The following FBN1 variants were observed in gnomAD, a reference collection of about 807,000 sequenced individuals.
FBN1 encodes the protein fibrillin 1.
In FBN1, 29 loss-of-function variants were observed where a neutral mutation model predicts 365.1. The observed-to-expected ratio is 0.08, with a 90% CI of 0.06 to 0.11. FBN1 has a LOEUF of 0.11. FBN1 is among the 10% of genes least tolerant of loss of function. The pLI, the probability that FBN1 is intolerant of heterozygous loss-of-function variation, is 1.00. For synonymous variants in FBN1, 1,210 were observed against 1,270.5 expected, an observed-to-expected ratio of 0.95 and a Z score of 1.01; for missense variants, 2,476 against 3,703.2, an observed-to-expected ratio of 0.67 and a Z score of 8.60.
intron 2 of FBN1, among the ~76,000 whole-genome samples, chr15:48,620,300 C>A (rs535452482): frequency 5.5e-4 from 84 of 152,252 alleles, no homozygotes; most frequent in Non-Finnish European, 1.1e-3. Flanking sequence ...GAAACAAAGA[C>A]AAAACACCAT....
chr15:48,522,374 T>A (rs564388367), intron 9 of FBN1, among the ~76,000 whole-genome samples: 7 of 152,234 alleles, frequency 4.6e-5, no homozygotes, highest in Non-Finnish European at 7.4e-5. Context: ...AAGTGCACAA[T>A]AAATGTAATG....
intron 6 of FBN1, among the ~76,000 whole-genome samples, chr15:48,591,947 C>T (rs1301916207): frequency 6.6e-6 from 1 of 152,190 alleles, no homozygotes; most frequent in Non-Finnish European, 1.5e-5. Context: ...GGACAAGGCA[C>T]TTGATCTCTC....
chr15:48,476,211 C>T (rs373651462), intron 32 of FBN1, among the ~76,000 whole-genome samples: 20 of 152,328 alleles, frequency 1.3e-4, no homozygotes, highest in African/African-American at 4.8e-4. Context: ...AGCACAAATA[C>T]TCCCAAGCAG....
chr15:48,583,463 C>T (rs1268971066), intron 6 of FBN1, among the ~76,000 whole-genome samples: 1 of 152,116 alleles, frequency 6.6e-6, no homozygotes, highest in Admixed American at 6.5e-5. Flanking sequence ...CTGACCAGGC[C>T]GTATTTGTAG....
intron 6 of FBN1, among the ~76,000 whole-genome samples, chr15:48,539,183 C>A (rs2044037141): frequency 6.6e-6 from 1 of 152,164 alleles, no homozygotes; most frequent in African/African-American, 2.4e-5. Context: ...ACTCCATCTG[C>A]TCCCCATCAC....
rs116439205 is a variant in FBN1 at position 48,636,478 on chromosome 15, G to C, written c.164+8128C>G. The stretch of plus-strand genomic sequence containing the variant: ...TGTTGTTCAAGATCCAGCCCCAACA[G>C]ACACTCACTCTGAGCAAGGCCTAGT... On this transcript the variant is annotated intron_variant, in intron 2 of 65. Transcript: ENST00000316623. Among the ~76,000 whole-genome samples, 820 of 152,258 alleles carry C rather than the reference G, an allele frequency of 5.4e-3. 7 individuals carry two copies. Among genetic ancestry groups the C allele is most frequent in the African/African-American group, 0.019 (775 of 41,542 alleles).
intron 6 of FBN1, among the ~76,000 whole-genome samples, chr15:48,549,809 A>C (rs76250719): frequency 6.6e-6 from 1 of 151,780 alleles, no homozygotes; most frequent in African/African-American, 2.4e-5. Context: ...AAAAAAAAAA[A>C]CTCTCCTAGT....
intron 6 of FBN1, among the ~76,000 whole-genome samples, chr15:48,558,653 A>C (rs1353047291): frequency 2.6e-5 from 4 of 152,236 alleles, no homozygotes; most frequent in Admixed American, 1.3e-4. Context: ...AAACAACAGA[A>C]ATATATGAAT....
rs561645140 is a variant in FBN1, at chr15:48,445,096, GA to G, written c.5917+279del. ...CAATAGCTTAATTTTTAAAATAAGGGAAAAAGTGATTATATATATATATACA... is the reference window on the plus strand; with the variant it reads ...CAATAGCTTAATTTTTAAAATAAGGGAAAAGTGATTATATATATATATACA... On this transcript the variant is annotated intron_variant, in intron 48 of 65. Coordinates refer to ENST00000316623, the MANE Select transcript of FBN1 (RefSeq NM_000138.5). Among the ~76,000 whole-genome samples the G allele has an allele frequency of 5.0e-5, 7 of 141,272 alleles. No homozygotes were observed. The South Asian group carries it at 1.1e-3, about 23-fold the overall frequency. 92.7% of individuals were successfully genotyped at this position (141,272 alleles called of 152,430 possible). A position where few individuals can be genotyped will look rare whatever the true frequency, so the allele number is the denominator to read the frequency against.
rs1365050137 is a variant in FBN1 at position 48,456,733 on chromosome 15, C to A, written c.5326G>T (p.Val1776Phe). ...DIDECREIPG[V>F]CENGVCINMV... ...TTGATACACACTCCATTTTCACAGA[C>A]CCCTGGGATCTCCCGGCACTCATCA... is the stretch of plus-strand genomic sequence containing the variant. The change falls in exon 44 of 66, where the codon GTC (valine) becomes TTC (phenylalanine). Residue 1776 changes from valine to phenylalanine, a missense_variant. Physicochemically the swap from Val to Phe is conservative, Grantham distance 50. This residue lies in a region of FBN1 where 1,780 missense variants were observed against 2,840.8 expected (regional missense o/e 0.63). Coordinates refer to ENST00000316623, the MANE Select transcript of FBN1 (RefSeq NM_000138.5). 1 of 1,613,742 alleles carries A rather than the reference C, an allele frequency of 6.2e-7. No homozygotes were observed. The highest frequency in any genetic ancestry group is 8.5e-7 in the Non-Finnish European group (1 of 1,179,770).
intron 6 of FBN1, among the ~76,000 whole-genome samples, chr15:48,578,032 C>T (rs2044362603): frequency 1.3e-5 from 2 of 151,908 alleles, no homozygotes; most frequent in South Asian, 4.2e-4. Flanking sequence ...CCATCGTTTA[C>T]ATGCAATCTA....
intron 64 of FBN1, among the ~76,000 whole-genome samples, chr15:48,414,692 C>A (rs534465635): frequency 1.3e-4 from 20 of 152,016 alleles, no homozygotes; most frequent in Non-Finnish European, 2.9e-4. Flanking sequence ...GTCCGGAGAT[C>A]GAGACCATCC....
At chr15:48,442,967 T>G (rs906564959) in intron 49 of FBN1, among the ~76,000 whole-genome samples, 3 of 152,238 alleles carry the variant, frequency 2.0e-5, no homozygotes, top group African/African-American at 7.2e-5. Flanking sequence ...AAAATGTACT[T>G]GCATTATACA....
intron 63 of FBN1, among the ~76,000 whole-genome samples, chr15:48,418,414 T>TA (rs2042917075): frequency 6.6e-6 from 1 of 152,248 alleles, no homozygotes; most frequent in Non-Finnish European, 1.5e-5. Flanking sequence ...TAATAAAGTT[T>TA]AAATTAAACT....
intron 45 of FBN1, among the ~76,000 whole-genome samples, chr15:48,452,069 T>C (rs1327828792): frequency 1.3e-5 from 2 of 152,234 alleles, no homozygotes; most frequent in African/African-American, 4.8e-5. Context: ...AGAAAAGCGA[T>C]GGCTTTGTTT....
rs770443276 is a variant in FBN1, at chr15:48,428,426, C to T, written c.6917G>A (p.Arg2306His). Residue 2306 changes from arginine to histidine, a missense_variant, in exon 57 of 66, where the codon CGC becomes CAC. By Grantham distance (29) the Arg-to-His change is conservative. Transcript: ENST00000316623. ...QTKPGICENG[R>H]CLNTRGSYTC... ...GTAGCTCCCACGGGTGTTGAGGCAG[C>T]GCCCATTCTCACAGATCCCTGGCTT... is the stretch of plus-strand genomic sequence containing the variant. 28 of 1,613,906 alleles carry T rather than the reference C, an allele frequency of 1.7e-5. No homozygotes were observed. Among genetic ancestry groups the T allele is most frequent in the East Asian group, 2.2e-5 (1 of 44,880 alleles).
chr15:48,583,926 T>C (rs2044416287), intron 6 of FBN1, among the ~76,000 whole-genome samples: 1 of 152,196 alleles, frequency 6.6e-6, no homozygotes, highest in South Asian at 2.1e-4. Context: ...CTCAAGAATG[T>C]TGGGTTTCAT....
intron 49 of FBN1, 64 bp downstream of exon 49, chr15:48,444,477 T>C: frequency 6.3e-7 from 1 of 1,598,576 alleles, no homozygotes; most frequent in South Asian, 1.1e-5. Flanking sequence ...ACAAAAATTC[T>C]CATTCTGCTA....
At chr15:48,496,293 T>A (rs1416007736) in intron 19 of FBN1, 68 bp from the exon 20 acceptor site, 9 of 1,596,454 alleles carry the variant, frequency 5.6e-6, no homozygotes, top group Non-Finnish European at 7.7e-6. Context: ...TTTGCTCTTT[T>A]ACATTAGATC....
Sources: allele counts gnomAD v4.1 joint callset (sites outside exome capture counted in the v4.1 genomes callset), GRCh38; gene constraint gnomAD v4.1.1; regional missense constraint gnomAD v4.1.1; transcripts MANE v1.5; gene names NCBI Gene and HGNC (gene_info 2026-07-23, HGNC 2026-07-21).